ARMH3: variants seen among roughly 807,000 people sequenced by gnomAD.
The protein encoded by ARMH3 is armadillo-like helical domain-containing protein 3.
ARMH3 carries 60 observed loss-of-function variants against 99.1 expected under a neutral mutation model. The observed-to-expected ratio is 0.61, with a 90% CI of 0.49 to 0.75. The LOEUF (loss-of-function observed/expected upper bound fraction) is 0.75. Ranked by LOEUF, ARMH3 falls within the 30% of genes least tolerant of loss-of-function variation. ARMH3 has a pLI of 0.00. For missense variants in ARMH3, 679 were observed against 843.1 expected, an observed-to-expected ratio of 0.81 and a Z score of 2.41; for synonymous variants, 285 against 292.8, an observed-to-expected ratio of 0.97 and a Z score of 0.27.
chr10:101,938,954 A>G (rs1844118992), intron 23 of ARMH3, among the ~76,000 whole-genome samples: 1 of 152,222 alleles, frequency 6.6e-6, no homozygotes, highest in Non-Finnish European at 1.5e-5. Context: ...ACAGGGTAGT[A>G]AATCACTGCA....
rs558107632 is a variant in ARMH3 at position 101,943,847 on chromosome 10, G to A, written c.1706-3909C>T. On this transcript the variant is annotated intron_variant, in intron 22 of 25. Coordinates refer to ENST00000370033, the MANE Select transcript of ARMH3 (RefSeq NM_024541.3). ...TGGGAGGCCGAGGTGGGTGGATCACGAGCTCAGGAGATCGAGACCATCCTG... is the reference window on the plus strand; with the variant it reads ...TGGGAGGCCGAGGTGGGTGGATCACAAGCTCAGGAGATCGAGACCATCCTG... Among the ~76,000 whole-genome samples, 6 of 151,030 alleles carry A rather than the reference G, an allele frequency of 4.0e-5. No homozygotes were observed. The East Asian group carries it at 9.9e-4, about 25-fold the overall frequency.
intron 20 of ARMH3, among the ~76,000 whole-genome samples, chr10:101,974,784 A>G (rs774060389): frequency 6.6e-6 from 1 of 151,688 alleles, no homozygotes; most frequent in Non-Finnish European, 1.5e-5. Context: ...CCATCCCTCC[A>G]TCTCTCCCTA....
At chr10:101,870,278 C>A (rs2135361658) in intron 24 of ARMH3, among the ~76,000 whole-genome samples, 1 of 152,260 alleles carries the variant, frequency 6.6e-6, no homozygotes, top group South Asian at 2.1e-4. Context: ...TGAATAACTT[C>A]CTTGAAGACA....
intron 23 of ARMH3, among the ~76,000 whole-genome samples, chr10:101,921,095 A>G: frequency 6.6e-6 from 1 of 152,206 alleles, no homozygotes; most frequent in East Asian, 1.9e-4. Flanking sequence ...ATGCTACCAA[A>G]CTTAACAAAT....
intron 14 of ARMH3, among the ~76,000 whole-genome samples, chr10:102,002,446 T>C (rs575204269): frequency 1.3e-5 from 2 of 152,054 alleles, no homozygotes; most frequent in Non-Finnish European, 2.9e-5. Context: ...GTATTGAATA[T>C]AAATGAGTTT....
At chr10:101,942,220 G>A (rs765748657) in intron 22 of ARMH3, among the ~76,000 whole-genome samples, 16 of 152,120 alleles carry the variant, frequency 1.1e-4, no homozygotes, top group Non-Finnish European at 1.9e-4. Context: ...AAAATAATAT[G>A]CAGCCATTTA....
intron 21 of ARMH3, 89 bp from the exon 22 acceptor site, chr10:101,956,812 T>C: frequency 1.5e-6 from 2 of 1,309,700 alleles, no homozygotes; most frequent in Non-Finnish European, 1.0e-6. Context: ...TCTTACTGTC[T>C]TGCAAGAGTT....
At chr10:101,929,064 A>G (rs1417368977) in intron 23 of ARMH3, among the ~76,000 whole-genome samples, 1 of 152,316 alleles carries the variant, frequency 6.6e-6, no homozygotes. Context: ...GCACAGTACA[A>G]GAATGTCTTC....
intron 23 of ARMH3, among the ~76,000 whole-genome samples, chr10:101,927,827 C>T (rs1227999858): frequency 3.9e-5 from 6 of 152,210 alleles, no homozygotes; most frequent in African/African-American, 1.4e-4. Flanking sequence ...AATCCCAGCA[C>T]TTTGGAGGGC....
chr10:102,035,114 T>C (rs2067220701), intron 2 of ARMH3, among the ~76,000 whole-genome samples: 1 of 151,966 alleles, frequency 6.6e-6, no homozygotes, highest in African/African-American at 2.4e-5. Context: ...CTCACACCTG[T>C]AATCCCAGCA....
chr10:101,900,270 A>G (rs191325534), intron 23 of ARMH3, among the ~76,000 whole-genome samples: 1 of 152,230 alleles, frequency 6.6e-6, no homozygotes, highest in Non-Finnish European at 1.5e-5. Context: ...TGGTTTTCCT[A>G]TTTCCCTTTT....
intron 23 of ARMH3, chr10:101,889,757 C>T (rs749477946): frequency 9.6e-5 from 39 of 406,752 alleles, no homozygotes; most frequent in Non-Finnish European, 1.6e-4. Context: ...CAAAGCCAAA[C>T]AAAAATATTG....
At chr10:102,034,571 G>A (rs2067205071) in intron 2 of ARMH3, among the ~76,000 whole-genome samples, 1 of 150,948 alleles carries the variant, frequency 6.6e-6, no homozygotes, top group Non-Finnish European at 1.5e-5. Context: ...GGGAGGCGGA[G>A]CTTGCAGTGA....
chr10:101,911,699 C>T (rs1842873818), intron 23 of ARMH3, among the ~76,000 whole-genome samples: 1 of 152,156 alleles, frequency 6.6e-6, no homozygotes, highest in Admixed American at 6.5e-5. Flanking sequence ...TCACTGCACT[C>T]AAGCCTGAGC....
chr10:101,952,542 A>AAAAAG (rs572511473), intron 22 of ARMH3: 81 of 152,318 alleles, frequency 5.3e-4, no homozygotes, highest in African/African-American at 1.6e-3. Flanking sequence ...TGTGGTAAAA[A>AAAAAG]AAAAGAAAAG....
chr10:101,936,276 G>A (rs376720661), intron 23 of ARMH3, among the ~76,000 whole-genome samples: 14 of 150,500 alleles, frequency 9.3e-5, no homozygotes, highest in Admixed American at 6.7e-5. Flanking sequence ...GGTGGATCAC[G>A]AGGTCAGGAG....
chr10:102,008,933 A>C (rs934090206), intron 13 of ARMH3, among the ~76,000 whole-genome samples: 5 of 152,088 alleles, frequency 3.3e-5, no homozygotes, highest in Non-Finnish European at 7.4e-5. Context: ...AGCTAACCTT[A>C]ACCTGGCCAG....
intron 24 of ARMH3, among the ~76,000 whole-genome samples, chr10:101,885,804 A>C (rs1481477583): frequency 6.6e-6 from 1 of 152,258 alleles, no homozygotes; most frequent in Admixed American, 6.5e-5. Flanking sequence ...CTGTAATCCC[A>C]GCACTTTGGG....
chr10:101,862,647 T>TAAAAAAA (rs1455234072), intron 24 of ARMH3, among the ~76,000 whole-genome samples: 2 of 148,190 alleles, frequency 1.3e-5, no homozygotes, highest in African/African-American at 2.5e-5. Context: ...TAGCAACCAC[T>TAAAAAAA]AAAAAAAGAA....
Sources: allele counts gnomAD v4.1 joint callset (sites outside exome capture counted in the v4.1 genomes callset), GRCh38; gene constraint gnomAD v4.1.1; transcripts MANE v1.5; gene names NCBI Gene and HGNC (gene_info 2026-07-23, HGNC 2026-07-21).